The following ANKH variants were observed in gnomAD, a reference collection of about 807,000 sequenced individuals.
The protein encoded by ANKH is ANKH inorganic pyrophosphate transport regulator.
A neutral mutation model predicts 49.0 loss-of-function variants in ANKH; 15 were observed. The ratio of observed to expected loss-of-function variants is 0.31; its 90% CI spans 0.20 to 0.47. The LOEUF (loss-of-function observed/expected upper bound fraction) is 0.47, where lower values mean the gene tolerates loss of function less well. ANKH is among the 20% of genes least tolerant of loss of function. The pLI, the probability that ANKH is intolerant of heterozygous loss-of-function variation, is 1.00. For missense variants in ANKH, 429 were observed against 652.0 expected (o/e 0.66, Z 3.72); for synonymous variants, 273 against 260.0 (o/e 1.05, Z -0.48).
chr5:14,786,849 A>G (rs1034399148), intron 1 of ANKH, among the ~76,000 whole-genome samples: 3 of 152,210 alleles, frequency 2.0e-5, no homozygotes, highest in African/African-American at 7.2e-5. Context: ...CCAGTACATA[A>G]TGACATGTAC....
At chr5:14,856,049 C>T (rs1735236306) in intron 1 of ANKH, among the ~76,000 whole-genome samples, 1 of 151,888 alleles carries the variant, frequency 6.6e-6, no homozygotes, top group Non-Finnish European at 1.5e-5. Flanking sequence ...GGTGTGGTGG[C>T]TCAAGCCTGT....
chr5:14,842,507 T>C (rs1741841759), intron 1 of ANKH, among the ~76,000 whole-genome samples: 1 of 152,182 alleles, frequency 6.6e-6, no homozygotes, highest in African/African-American at 2.4e-5. Flanking sequence ...GACACACCGA[T>C]CTGGGTTTGG....
Position 14,711,412 on chromosome 5 carries a change from C to T in ANKH, c.1366-102G>A. ...CACCGGGGTCTTGGGGGACCCCTCACTGTAGGCTTAAACCTTCTTATGGTT... is the reference window on the plus strand; with the variant it reads ...CACCGGGGTCTTGGGGGACCCCTCATTGTAGGCTTAAACCTTCTTATGGTT... On this transcript the variant is annotated intron_variant, in intron 11 of 11. Transcript: ENST00000284268. 3.1e-6 allele frequency: 3 copies of T among 978,560 alleles called. No homozygotes were observed. In the South Asian group the frequency reaches 3.9e-5, roughly 13 times the overall value. 60.6% of individuals were successfully genotyped at this position (978,560 alleles called of 1,614,324 possible).
chr5:14,780,551 G>A (rs1210358914), intron 1 of ANKH, among the ~76,000 whole-genome samples: 2 of 152,046 alleles, frequency 1.3e-5, no homozygotes, highest in African/African-American at 4.8e-5. Context: ...AAAAAAAACA[G>A]AACAAAACAA....
intron 1 of ANKH, among the ~76,000 whole-genome samples, chr5:14,812,390 G>C (rs1304284972): frequency 1.3e-5 from 2 of 152,090 alleles, no homozygotes; most frequent in East Asian, 3.9e-4. Context: ...CCCCTGTGAC[G>C]AAACAGTCTC....
intron 8 of ANKH, among the ~76,000 whole-genome samples, chr5:14,730,947 G>C (rs1294327871): frequency 1.3e-5 from 2 of 152,226 alleles, no homozygotes. Flanking sequence ...GGCGGTGCCT[G>C]TCTGTGCCAG....
At chr5:14,816,554 A>G (rs1741044462) in intron 1 of ANKH, among the ~76,000 whole-genome samples, 1 of 152,208 alleles carries the variant, frequency 6.6e-6, no homozygotes, top group Non-Finnish European at 1.5e-5. Flanking sequence ...ATCATCTTAT[A>G]AAAGCGACGT....
intron 8 of ANKH, among the ~76,000 whole-genome samples, chr5:14,726,609 T>C (rs1328999448): frequency 6.6e-6 from 1 of 152,132 alleles, no homozygotes; most frequent in Non-Finnish European, 1.5e-5. Flanking sequence ...GGTGGTTTCC[T>C]GCTCACTTGT....
rs575813863 is a variant in ANKH at position 14,827,833 on chromosome 5, A to G, written c.96+43519T>C. On this transcript the variant is annotated intron_variant, in intron 1 of 11. Coordinates refer to ENST00000284268, the MANE Select transcript of ANKH (RefSeq NM_054027.6). Reference sequence around the variant, plus strand: ...TGTATCAATGTTCTCTTTCTCTCAGATTATCTTTTATTTCAGAGGCCTTCA... The same window carrying G: ...TGTATCAATGTTCTCTTTCTCTCAGGTTATCTTTTATTTCAGAGGCCTTCA... 2.0e-5 allele frequency among the ~76,000 whole-genome samples: 3 copies of G among 152,218 alleles called. No homozygotes were observed. In the East Asian group the frequency reaches 5.8e-4, roughly 29 times the overall value.
At chr5:14,835,781 C>T (rs988537961) in intron 1 of ANKH, among the ~76,000 whole-genome samples, 6 of 152,138 alleles carry the variant, frequency 3.9e-5, no homozygotes, top group African/African-American at 1.2e-4. Flanking sequence ...CCAGCATCAT[C>T]CTGATACCAA....
intron 6 of ANKH, among the ~76,000 whole-genome samples, chr5:14,746,734 C>T (rs1738554898): frequency 6.6e-6 from 1 of 152,180 alleles, no homozygotes; most frequent in Non-Finnish European, 1.5e-5. Context: ...TCAGTTCAGC[C>T]TACACCCAGG....
chr5:14,857,639 CAG>C lies in ANKH; in HGVS notation c.96+13711_96+13712del, dbSNP rs566968967. Among the ~76,000 whole-genome samples the C allele has an allele frequency of 3.5e-4, 53 of 151,874 alleles. 2 individuals are homozygous for C. The East Asian group carries it at 9.8e-3, about 28-fold the overall frequency. ...CGCCACTGCACTCCAGCCTGGGCAA[CAG>C]AGACTCCATCTCAAAAAAAAGAAAA... On this transcript the variant is annotated intron_variant, in intron 1 of 11. Transcript: ENST00000284268.
Position 14,710,959 on chromosome 5 carries a change from A to G in ANKH, c.*238T>C, listed in dbSNP as rs1737160849. On this transcript the variant is annotated 3_prime_UTR_variant, in exon 12 of 12. Coordinates refer to ENST00000284268, the MANE Select transcript of ANKH (RefSeq NM_054027.6). ...GGGTTTTCGTGAGGCAGGGGTATGA[A>G]GTCAGTTGTTTCGTTTGTTTTTACA... The G allele has an allele frequency of 2.0e-6, 1 of 507,164 alleles. No individual in the cohort carries two copies. The highest frequency in any genetic ancestry group is 1.9e-5 in the African/African-American group (1 of 51,532). The allele number at this position is 507,164 out of a possible 1,614,324, so 31.4% of individuals were successfully genotyped here.
rs546220029 is a variant in ANKH at position 14,706,090 on chromosome 5, G to A, written c.*5107C>T. ...ACCTAAGGAAACCACTTAAACTCTT[G>A]GAGAGAGAAAGGGTGCCTAGTTCTT... On this transcript the variant is annotated 3_prime_UTR_variant, in exon 12 of 12. Transcript: ENST00000284268. 42 of 152,234 alleles carry A rather than the reference G, an allele frequency of 2.8e-4. No individual in the cohort carries two copies. The highest frequency in any genetic ancestry group is 1.0e-3 in the African/African-American group (42 of 41,526). The allele number at this position is 152,234 out of a possible 1,614,324, so 9.4% of individuals were successfully genotyped here. A position where few individuals can be genotyped will look rare whatever the true frequency, so the allele number is the denominator to read the frequency against.
chr5:14,717,991 G>A (rs1016479100), intron 8 of ANKH, among the ~76,000 whole-genome samples: 3 of 152,130 alleles, frequency 2.0e-5, no homozygotes, highest in Non-Finnish European at 4.4e-5. Flanking sequence ...TTGCATGTTC[G>A]GGCTTCTTTC....
chr5:14,800,022 C>T (rs983492183), intron 1 of ANKH, among the ~76,000 whole-genome samples: 1 of 152,028 alleles, frequency 6.6e-6, no homozygotes, highest in African/African-American at 2.4e-5. Context: ...GGAGGTAAAA[C>T]TATCCACATT....
chr5:14,729,474 A>C (rs991103105), intron 8 of ANKH, among the ~76,000 whole-genome samples: 1 of 147,468 alleles, frequency 6.8e-6, no homozygotes, highest in Admixed American at 6.8e-5. Flanking sequence ...AGGTTGTGCC[A>C]CCGCGCCTGA....
intron 1 of ANKH, among the ~76,000 whole-genome samples, chr5:14,846,029 G>T (rs1047481313): frequency 6.6e-6 from 1 of 151,360 alleles, no homozygotes; most frequent in South Asian, 2.1e-4. Flanking sequence ...CAAATTTTTT[G>T]TATTTTTAGT....
At chr5:14,734,540 C>G (rs563243300) in intron 8 of ANKH, among the ~76,000 whole-genome samples, 3 of 152,240 alleles carry the variant, frequency 2.0e-5, no homozygotes, top group African/African-American at 7.2e-5. Flanking sequence ...TCTGCTTCCA[C>G]AGCAGTGAAA....
Sources: gnomAD v4.1 joint callset for allele counts (sites outside exome capture counted in the v4.1 genomes callset) on GRCh38, gnomAD v4.1.1 for gene constraint, MANE v1.5 for transcripts, NCBI Gene and HGNC (gene_info 2026-07-23, HGNC 2026-07-21) for gene names.